The following AGBL1 variants were observed in gnomAD, a reference collection of about 807,000 sequenced individuals.
AGBL1 encodes cytosolic carboxypeptidase 4.
AGBL1 carries 130 observed loss-of-function variants against 118.9 expected under a neutral mutation model. The observed-to-expected ratio is 1.09, with a 90% confidence interval of 0.95 to 1.26. AGBL1 has a LOEUF of 1.26. AGBL1 is among the 50% of genes most tolerant of loss of function. The probability of loss-of-function intolerance (pLI) is 0.00; values close to 1 mark genes in which losing one functional copy is unlikely to be tolerated. For missense variants in AGBL1, 1,584 were observed against 1,298.1 expected, an observed-to-expected ratio of 1.22 and a Z score of -3.38; for synonymous variants, 555 against 478.9, an observed-to-expected ratio of 1.16 and a Z score of -2.08.
chr15:86,508,967 C>A (rs1298967564), intron 18 of AGBL1, among the ~76,000 whole-genome samples: 1 of 152,030 alleles, frequency 6.6e-6, no homozygotes, highest in Non-Finnish European at 1.5e-5. Flanking sequence ...AACAAACAAT[C>A]AAAAATCCTG....
At chr15:86,159,057 T>G in intron 5 of AGBL1, 31 bp downstream of exon 5, 1 of 1,587,938 alleles carries the variant, frequency 6.3e-7, no homozygotes, top group Non-Finnish European at 8.6e-7. Flanking sequence ...CTTCTGCCCC[T>G]TTTGTAACAG....
At position 86,516,936 on chromosome 15, in the gene AGBL1, C is replaced by T. The variant is rs575857285; in HGVS notation, c.2556-5874C>T. 1.3e-4 allele frequency among the ~76,000 whole-genome samples: 20 copies of T among 152,278 alleles called. 1 individual carries two copies. In the South Asian group the frequency reaches 3.3e-3, roughly 25 times the overall value. On this transcript the variant is annotated intron_variant, in intron 18 of 22. Transcript: ENST00000614907. ...TGAGCTGATTTCAGCTGAAGTTGTC[C>T]TGGTCGTGTGATCTTTTGAATTGCC...
intron 21 of AGBL1, among the ~76,000 whole-genome samples, chr15:86,586,003 T>C (rs1195919530): frequency 1.3e-5 from 2 of 152,240 alleles, no homozygotes; most frequent in Admixed American, 6.5e-5. Context: ...TGATGTTCAG[T>C]GTCTATTTAG....
chr15:86,624,834 G>A (rs373007727), intron 21 of AGBL1, among the ~76,000 whole-genome samples: 9 of 152,144 alleles, frequency 5.9e-5, no homozygotes, highest in Non-Finnish European at 8.8e-5. Context: ...GCAGCTTGTC[G>A]TTCCCTCTCC....
intron 19 of AGBL1, among the ~76,000 whole-genome samples, chr15:86,545,015 C>A (rs919044969): frequency 2.0e-5 from 3 of 152,218 alleles, no homozygotes; most frequent in Non-Finnish European, 2.9e-5. Flanking sequence ...TACTTACCTA[C>A]ACCACTGATA....
chr15:86,869,620 A>G (rs2079689758), intron 22 of AGBL1, among the ~76,000 whole-genome samples: 1 of 152,174 alleles, frequency 6.6e-6, no homozygotes, highest in Non-Finnish European at 1.5e-5. Context: ...GACAGAGAAG[A>G]AAGTGTTACC....
intron 18 of AGBL1, among the ~76,000 whole-genome samples, chr15:86,445,620 G>T (rs1375041447): frequency 2.6e-5 from 4 of 152,194 alleles, no homozygotes; most frequent in Non-Finnish European, 5.9e-5. Flanking sequence ...TGCATTTCCT[G>T]CCTTCCACTC....
At chr15:86,158,125 A>G (rs2077217454) in intron 4 of AGBL1, among the ~76,000 whole-genome samples, 1 of 152,202 alleles carries the variant, frequency 6.6e-6, no homozygotes. Flanking sequence ...GATCCAGGCA[A>G]TTACTTCATG....
chr15:86,801,978 AC>A (rs2078656556), intron 22 of AGBL1, among the ~76,000 whole-genome samples: 2 of 152,146 alleles, frequency 1.3e-5, no homozygotes, highest in Non-Finnish European at 2.9e-5. Flanking sequence ...ATGCTATTAT[AC>A]TTGGGAAGAA....
At chr15:86,491,487 C>G (rs2082778318) in intron 18 of AGBL1, among the ~76,000 whole-genome samples, 1 of 152,094 alleles carries the variant, frequency 6.6e-6, no homozygotes, top group Admixed American at 6.6e-5. Flanking sequence ...ACAGCAATTA[C>G]AGTGCACTTT....
chr15:86,204,517 C>CCCTT (rs1047585565), intron 5 of AGBL1, among the ~76,000 whole-genome samples: 65 of 59,398 alleles, frequency 1.1e-3, no homozygotes, highest in South Asian at 5.3e-3. Flanking sequence ...CTTCCCCTTC[C>CCCTT]CCTTCCTTCC....
intron 21 of AGBL1, among the ~76,000 whole-genome samples, chr15:86,622,992 G>A (rs1276600782): frequency 6.6e-6 from 1 of 152,160 alleles, no homozygotes; most frequent in Admixed American, 6.5e-5. Context: ...CAAGTGCACA[G>A]TTCACAATAG....
At chr15:86,326,607 T>C (rs1021094547) in intron 17 of AGBL1, among the ~76,000 whole-genome samples, 1 of 152,170 alleles carries the variant, frequency 6.6e-6, no homozygotes, top group Non-Finnish European at 1.5e-5. Flanking sequence ...GGATACTTGA[T>C]TGTTAAGGGA....
At chr15:86,529,568 G>A (rs200255032) in intron 19 of AGBL1, among the ~76,000 whole-genome samples, 50,430 of 111,752 alleles carry the variant, frequency 0.45, 11,964 homozygotes, top group East Asian at 0.65. Context: ...CCCCAATCTA[G>A]CAAGGCAGGC....
At chr15:86,753,415 T>TTTC (rs35941815) in intron 22 of AGBL1, among the ~76,000 whole-genome samples, 11 of 139,744 alleles carry the variant, frequency 7.9e-5, no homozygotes, top group South Asian at 7.0e-4. Context: ...TTTTTTTTTT[T>TTTC]GAGACAGAGT....
chr15:86,699,325 C>G (rs977099488), intron 22 of AGBL1, among the ~76,000 whole-genome samples: 1 of 151,834 alleles, frequency 6.6e-6, no homozygotes, highest in Non-Finnish European at 1.5e-5. Flanking sequence ...AATATATATT[C>G]CTGCCTACCA....
intron 22 of AGBL1, among the ~76,000 whole-genome samples, chr15:86,687,782 A>G (rs903121626): frequency 1.3e-5 from 2 of 152,130 alleles, no homozygotes; most frequent in Non-Finnish European, 2.9e-5. Flanking sequence ...ATAATTCTTC[A>G]CTATGTTCAG....
At chr15:86,510,724 T>C (rs1043170914) in intron 18 of AGBL1, among the ~76,000 whole-genome samples, 1 of 152,096 alleles carries the variant, frequency 6.6e-6, no homozygotes, top group African/African-American at 2.4e-5. Context: ...CCAGCTGAGA[T>C]GGAGATGATC....
At chr15:86,762,637 G>A (rs956432665) in intron 22 of AGBL1, among the ~76,000 whole-genome samples, 1 of 152,014 alleles carries the variant, frequency 6.6e-6, no homozygotes, top group Admixed American at 6.6e-5. Flanking sequence ...CCATGGAGAA[G>A]GCATAGGAAA....
Sources: allele counts gnomAD v4.1 joint callset (sites outside exome capture counted in the v4.1 genomes callset), GRCh38; gene constraint gnomAD v4.1.1; transcripts MANE v1.5; gene names NCBI Gene and HGNC (gene_info 2026-07-23, HGNC 2026-07-21).